The following DRGX variants were observed in gnomAD, a reference collection of about 807,000 sequenced individuals.
DRGX encodes dorsal root ganglia homeobox.
DRGX carries 21 observed loss-of-function variants against 28.6 expected under a neutral mutation model. The ratio of observed to expected loss-of-function variants is 0.73; its 90% CI spans 0.52 to 1.06. The LOEUF (loss-of-function observed/expected upper bound fraction) is 1.06. Among genes scored for constraint, DRGX ranks in the 50% least tolerant of loss-of-function variants. The pLI is 0.00. For synonymous variants in DRGX, 136 were observed against 139.1 expected, an observed-to-expected ratio of 0.98 and a Z score of 0.16; for missense variants, 354 against 343.9, an observed-to-expected ratio of 1.03 and a Z score of -0.23.
intron 4 of DRGX, among the ~76,000 whole-genome samples, chr10:49,387,217 C>T (rs897330432): frequency 1.3e-5 from 2 of 152,104 alleles, no homozygotes; most frequent in Non-Finnish European, 2.9e-5. Flanking sequence ...AAACCTGACC[C>T]GGGGCTTCCT....
Position 49,395,515 on chromosome 10 carries a change from T to C in DRGX, c.-75A>G. 1 of 1,499,980 alleles carries C rather than the reference T, an allele frequency of 6.7e-7. No homozygotes were observed. Among genetic ancestry groups the C allele is most frequent in the Middle Eastern group, 1.7e-4 (1 of 5,872 alleles). 92.9% of individuals were successfully genotyped at this position (1,499,980 alleles called of 1,614,324 possible). A position where few individuals can be genotyped will look rare whatever the true frequency, so the allele number is the denominator to read the frequency against. ...AGAACGGACCCGCGCGCGTTGCTCC[T>C]GCCTGGCTGCAAAGCAAACAGCGAT... On this transcript the variant is annotated 5_prime_UTR_variant, in exon 2 of 7. Transcript: ENST00000374139.
intron 6 of DRGX, among the ~76,000 whole-genome samples, chr10:49,371,967 A>T (rs1297739581): frequency 6.6e-6 from 1 of 152,176 alleles, no homozygotes; most frequent in Admixed American, 6.5e-5. Flanking sequence ...CTAGTGGCAG[A>T]CACATTGATG....
chr10:49,384,784 C>T (rs1849813707), intron 6 of DRGX, among the ~76,000 whole-genome samples: 1 of 152,212 alleles, frequency 6.6e-6, no homozygotes, highest in Non-Finnish European at 1.5e-5. Context: ...GGTCTCCCCA[C>T]CCTCCTGGCT....
At chr10:49,395,587 C>T in intron 1 of DRGX, 66 bp from the exon 2 acceptor site, 1 of 921,168 alleles carries the variant, frequency 1.1e-6, no homozygotes, top group Non-Finnish European at 1.7e-6. Flanking sequence ...AGCCCTAGGG[C>T]GCACCCGGCG....
chr10:49,393,672 G>A (rs142173364), intron 2 of DRGX, among the ~76,000 whole-genome samples: 407 of 152,342 alleles, frequency 2.7e-3, no homozygotes, highest in African/African-American at 9.1e-3. Flanking sequence ...CTTTCACCCA[G>A]CAACACTAAA....
intron 4 of DRGX, among the ~76,000 whole-genome samples, chr10:49,388,243 C>T (rs2132484194): frequency 6.6e-6 from 1 of 152,302 alleles, no homozygotes; most frequent in African/African-American, 2.4e-5. Context: ...GCTGTTTACT[C>T]CTTCCAGCAA....
chr10:49,378,603 G>A (rs1849740665), intron 6 of DRGX, among the ~76,000 whole-genome samples: 2 of 152,166 alleles, frequency 1.3e-5, no homozygotes, highest in Admixed American at 1.3e-4. Context: ...ATTAGAATAA[G>A]GCCAGATGCC....
At chr10:49,382,022 G>A (rs897419145) in intron 6 of DRGX, among the ~76,000 whole-genome samples, 2 of 152,144 alleles carry the variant, frequency 1.3e-5, no homozygotes, top group African/African-American at 2.4e-5. Flanking sequence ...CCAGGGCTCA[G>A]CCCACATTGG....
At chr10:49,385,938 G>A (rs930968056) in intron 6 of DRGX, among the ~76,000 whole-genome samples, 1 of 152,136 alleles carries the variant, frequency 6.6e-6, no homozygotes, top group African/African-American at 2.4e-5. Flanking sequence ...AATCCACAGA[G>A]GCTCCTCTCT....
chr10:49,385,739 A>C (rs908318907), intron 6 of DRGX, among the ~76,000 whole-genome samples: 1 of 151,290 alleles, frequency 6.6e-6, no homozygotes, highest in African/African-American at 2.4e-5. Flanking sequence ...CTATGCCTCC[A>C]CCTCCCAGAC....
intron 3 of DRGX, among the ~76,000 whole-genome samples, chr10:49,390,947 G>A (rs1448420942): frequency 1.3e-5 from 2 of 152,206 alleles, no homozygotes; most frequent in Admixed American, 6.5e-5. Flanking sequence ...GGGAGAGAAC[G>A]TTGTTGCCTC....
chr10:49,389,097 T>A (rs1380512918), intron 4 of DRGX, among the ~76,000 whole-genome samples: 1 of 152,200 alleles, frequency 6.6e-6, no homozygotes, highest in African/African-American at 2.4e-5. Flanking sequence ...ATAGACGGTA[T>A]CCTGGCCAAA....
chr10:49,388,227 C>T (rs896169631), intron 4 of DRGX, among the ~76,000 whole-genome samples: 2 of 152,236 alleles, frequency 1.3e-5, no homozygotes, highest in Non-Finnish European at 2.9e-5. Flanking sequence ...TCAGTGAAAT[C>T]CTGCTGCTGT....
At chr10:49,385,954 T>G (rs1052608430) in intron 6 of DRGX, among the ~76,000 whole-genome samples, 1 of 150,182 alleles carries the variant, frequency 6.7e-6, no homozygotes. Context: ...TCTCTCTGAG[T>G]CTGACAAAAT....
At chr10:49,394,584 C>T (rs1392054483) in intron 2 of DRGX, among the ~76,000 whole-genome samples, 1 of 152,210 alleles carries the variant, frequency 6.6e-6, no homozygotes, top group Non-Finnish European at 1.5e-5. Context: ...TACTAATTGG[C>T]CCCCTGATGT....
chr10:49,373,426 G>A (rs1428187479), intron 6 of DRGX, among the ~76,000 whole-genome samples: 10 of 152,144 alleles, frequency 6.6e-5, no homozygotes, highest in African/African-American at 1.2e-4. Context: ...ATACACATGC[G>A]ATAGACTGAA....
chr10:49,394,670 C>G (rs1349638781), intron 2 of DRGX, among the ~76,000 whole-genome samples: 1 of 152,232 alleles, frequency 6.6e-6, no homozygotes, highest in African/African-American at 2.4e-5. Context: ...TCTCACCAAC[C>G]CACGCCCCCA....
At chr10:49,387,218 G>A (rs1033997642) in intron 4 of DRGX, among the ~76,000 whole-genome samples, 7 of 152,150 alleles carry the variant, frequency 4.6e-5, no homozygotes, top group East Asian at 1.9e-4. Flanking sequence ...AACCTGACCC[G>A]GGGCTTCCTC....
chr10:49,364,236 C>T lies in DRGX; in HGVS notation c.*1880G>A, dbSNP rs921605940. The T allele has an allele frequency of 6.6e-6, 1 of 152,192 alleles. No individual in the cohort carries two copies. Among genetic ancestry groups the T allele is most frequent in the Admixed American group, 6.5e-5 (1 of 15,284 alleles). The allele number at this position is 152,192 out of a possible 1,614,324, so 9.4% of individuals were successfully genotyped here. ...CATCAGGCAGACTTTTCGATATGATCCAGTTTTGCACAGTCACTAGAGTGT... is the reference window on the plus strand; with the variant it reads ...CATCAGGCAGACTTTTCGATATGATTCAGTTTTGCACAGTCACTAGAGTGT... On this transcript the variant is annotated 3_prime_UTR_variant, in exon 7 of 7. Transcript: ENST00000374139.
Sources: allele counts gnomAD v4.1 joint callset (sites outside exome capture counted in the v4.1 genomes callset), GRCh38; gene constraint gnomAD v4.1.1; transcripts MANE v1.5; gene names NCBI Gene and HGNC (gene_info 2026-07-23, HGNC 2026-07-21).